KIF5A: variants seen among roughly 807,000 people sequenced by gnomAD.
KIF5A encodes kinesin family member 5A.
In KIF5A, 35 loss-of-function variants were observed where a neutral mutation model predicts 141.3. The observed-to-expected ratio is 0.25, with a 90% confidence interval of 0.19 to 0.33. The LOEUF is 0.33. KIF5A is among the 10% of genes least tolerant of loss of function. The pLI is 1.00. For missense variants in KIF5A, 861 were observed against 1,314.3 expected (o/e 0.66, Z 5.33); for synonymous variants, 448 against 500.2 (o/e 0.90, Z 1.39).
At chr12:57,562,072 C>T (rs921387635) in intron 1 of KIF5A, among the ~76,000 whole-genome samples, 1 of 152,216 alleles carries the variant, frequency 6.6e-6, no homozygotes, top group Non-Finnish European at 1.5e-5. Flanking sequence ...AGATTTACCT[C>T]TAATGCATCT....
In KIF5A at chr12:57,585,015, G is replaced by A. The variant is rs149122138; in HGVS notation, c.*834G>A. On this transcript the variant is annotated 3_prime_UTR_variant, in exon 29 of 29. Transcript: ENST00000455537. ...AGACTGCTCCCAGCAGCCTGTCAAT[G>A]GCTGCTCATCTGTCCATGGAGATGG... 4.6e-4 allele frequency: 70 copies of A among 152,358 alleles called. No homozygotes were observed. Among genetic ancestry groups the A allele is most frequent in the African/African-American group, 1.6e-3 (68 of 41,576 alleles). 9.4% of individuals were successfully genotyped at this position (152,358 alleles called of 1,614,324 possible).
chr12:57,552,868 T>A (rs1447253516), intron 1 of KIF5A, among the ~76,000 whole-genome samples: 2 of 152,116 alleles, frequency 1.3e-5, no homozygotes, highest in Non-Finnish European at 2.9e-5. Flanking sequence ...TCTGCAGCAC[T>A]GCGGCCAGCG....
rs1161979577 is a variant in KIF5A, at chr12:57,575,263, C to T, written c.1896C>T (p.Leu632=). 3 of 1,613,010 alleles carry T rather than the reference C, an allele frequency of 1.9e-6. No homozygotes were observed. Among genetic ancestry groups the T allele is most frequent in the Non-Finnish European group, 2.5e-6 (3 of 1,179,632 alleles). Residue 632 remains leucine (L), a synonymous_variant, in exon 16 of 29, where the codon CTC becomes CTT. Transcript: ENST00000455537. ...GGGAGCTCTCATCCTGCCAGCTCCT[C>T]ATCTCTCAGGTGAGTGCCTAAGTTT... ...TGRELSSCQL[L]ISQHEAKIRS...
At chr12:57,571,417 A>G in intron 13 of KIF5A, 28 bp downstream of exon 13, 1 of 1,612,030 alleles carries the variant, frequency 6.2e-7, no homozygotes, top group Non-Finnish European at 8.5e-7. Flanking sequence ...AGGACATGAG[A>G]GGAAAGGGGT....
intron 21 of KIF5A, 40 bp downstream of exon 21, chr12:57,577,813 G>A: frequency 1.3e-6 from 2 of 1,526,300 alleles, no homozygotes; most frequent in Non-Finnish European, 1.8e-6. Context: ...CAGGACTGGG[G>A]AGTGGGGAGG....
chr12:57,556,383 C>T (rs1314083869), intron 1 of KIF5A, among the ~76,000 whole-genome samples: 1 of 152,146 alleles, frequency 6.6e-6, no homozygotes, highest in Non-Finnish European at 1.5e-5. Flanking sequence ...CGTGATCCAC[C>T]CGCCTCGGCC....
chr12:57,572,337 C>T lies in KIF5A; in HGVS notation c.1569+70C>T. Reference sequence around the variant, plus strand: ...ATCTCCCATGTCGAGGGGACCTCTGCATCCTTCCAGGGCTGTATGGTGGCT... The same window carrying T: ...ATCTCCCATGTCGAGGGGACCTCTGTATCCTTCCAGGGCTGTATGGTGGCT... On this transcript the variant is annotated intron_variant, in intron 14 of 28. Transcript: ENST00000455537. The surrounding 1 kb of genome is among the most constrained non-coding windows in gnomAD (Gnocchi z 4.2). 6.7e-7 allele frequency: 1 copy of T among 1,486,746 alleles called. No homozygotes were observed. Among genetic ancestry groups the T allele is most frequent in the Non-Finnish European group, 9.2e-7 (1 of 1,088,386 alleles). 92.1% of individuals were successfully genotyped at this position (1,486,746 alleles called of 1,614,324 possible).
At chr12:57,574,977 T>C (rs1351957693) in intron 15 of KIF5A, 107 bp from the exon 16 acceptor site, 5 of 960,738 alleles carry the variant, frequency 5.2e-6, no homozygotes, top group Non-Finnish European at 8.3e-6. Context: ...CCCATCCCAT[T>C]TGAGTCCCTG....
chr12:57,580,951 C>CATAGCTGGTACGTGACA lies in KIF5A; in HGVS notation c.2539-2_2553dup. 1 of 1,613,790 alleles carries CATAGCTGGTACGTGACA rather than the reference C, an allele frequency of 6.2e-7. No homozygotes were observed. The highest frequency in any genetic ancestry group is 8.5e-7 in the Non-Finnish European group (1 of 1,179,862). On this transcript the variant is annotated splice_region_variant and splice_polypyrimidine_tract_variant and intron_variant, in intron 23 of 28. Coordinates refer to ENST00000455537, the MANE Select transcript of KIF5A (RefSeq NM_004984.4). ...TCCACTTCTTCCCTTTGGCTTGCCC[C>CATAGCTGGTACGTGACA]ATAGCTGGTACGTGACAATGCAGAT...
intron 15 of KIF5A, among the ~76,000 whole-genome samples, chr12:57,574,677 G>C (rs995572481): frequency 4.0e-5 from 6 of 151,542 alleles, no homozygotes; most frequent in Admixed American, 3.3e-4. Context: ...CGCCTCCTGG[G>C]TTCAAGCAAT....
chr12:57,573,485 T>G (rs1882318899), intron 15 of KIF5A, among the ~76,000 whole-genome samples: 1 of 151,132 alleles, frequency 6.6e-6, no homozygotes, highest in Admixed American at 6.6e-5. Flanking sequence ...GAGACATGAT[T>G]GAGCTACTGC....
chr12:57,577,654 G>A, intron 20 of KIF5A, 59 bp from the exon 21 acceptor site: 1 of 1,257,516 alleles, frequency 8.0e-7, no homozygotes, highest in Non-Finnish European at 1.2e-6. Context: ...TAGAGGAAGA[G>A]GCAGGAGGAA....
intron 9 of KIF5A, 82 bp downstream of exon 9, chr12:57,569,149 C>G: frequency 2.6e-6 from 4 of 1,552,586 alleles, no homozygotes; most frequent in Non-Finnish European, 3.6e-6. Context: ...TATGATCATG[C>G]CCCAATTCAT....
intron 1 of KIF5A, among the ~76,000 whole-genome samples, chr12:57,554,845 C>T (rs774896530): frequency 1.3e-5 from 2 of 152,124 alleles, no homozygotes; most frequent in African/African-American, 2.4e-5. Flanking sequence ...ACTCATAAAG[C>T]GATAACTCAC....
At chr12:57,562,556 G>T (rs1355685038) in intron 1 of KIF5A, among the ~76,000 whole-genome samples, 1 of 152,144 alleles carries the variant, frequency 6.6e-6, no homozygotes, top group East Asian at 1.9e-4. Context: ...GTTCTTAAAG[G>T]GAGACCCACA....
intron 1 of KIF5A, among the ~76,000 whole-genome samples, chr12:57,561,859 T>C (rs1172987565): frequency 1.3e-5 from 2 of 152,240 alleles, no homozygotes; most frequent in Non-Finnish European, 2.9e-5. Flanking sequence ...TTGCTATACC[T>C]AGAGCCACAT....
At chr12:57,582,946 C>T (rs1251415367) in intron 27 of KIF5A, 155 bp from the exon 28 acceptor site, 5 of 714,860 alleles carry the variant, frequency 7.0e-6, no homozygotes, top group South Asian at 3.1e-5. Flanking sequence ...AAGTCATTTA[C>T]ATCCCTCTGG....
intron 15 of KIF5A, among the ~76,000 whole-genome samples, chr12:57,574,275 ATTT>A (rs34395550): frequency 2.1e-5 from 3 of 142,388 alleles, no homozygotes; most frequent in Admixed American, 7.0e-5. Flanking sequence ...TCAGAATTGG[ATTT>A]TTTTTTTTTT....
At chr12:57,554,643 A>T in intron 1 of KIF5A, among the ~76,000 whole-genome samples, 1 of 152,204 alleles carries the variant, frequency 6.6e-6, no homozygotes, top group East Asian at 1.9e-4. Context: ...TATAAAGAAA[A>T]GAGATATATT....
Sources: allele counts gnomAD v4.1 joint callset (sites outside exome capture counted in the v4.1 genomes callset), GRCh38; gene constraint gnomAD v4.1.1; non-coding constraint Gnocchi (gnomAD v3.1); transcripts MANE v1.5; gene names NCBI Gene and HGNC (gene_info 2026-07-23, HGNC 2026-07-21).